RMND5A: variants seen among roughly 807,000 people sequenced by gnomAD.
RMND5A encodes the protein E3 ubiquitin-protein transferase RMND5A.
RMND5A carries 17 observed loss-of-function variants against 49.7 expected under a neutral mutation model. The observed-to-expected ratio is 0.34, with a 90% CI of 0.23 to 0.51. The LOEUF is 0.51. Among genes scored for constraint, RMND5A ranks in the 20% least tolerant of loss-of-function variants. RMND5A has a pLI of 0.96. For missense variants in RMND5A, 255 were observed against 471.3 expected, an observed-to-expected ratio of 0.54 and a Z score of 4.25; for synonymous variants, 156 against 167.7, an observed-to-expected ratio of 0.93 and a Z score of 0.54.
At position 86,775,859 on chromosome 2, in the gene RMND5A, C is replaced by A. The variant is rs937996652; in HGVS notation, c.*2448C>A. On this transcript the variant is annotated 3_prime_UTR_variant, in exon 9 of 9. Transcript: ENST00000283632. ...AAGATGCTGAGATACAGCATTCTGT[C>A]CCCCCTGCCCTAGAAACTCCATAAA... The A allele has an allele frequency of 6.6e-6, 1 of 152,162 alleles. No individual in the cohort carries two copies. The highest frequency in any genetic ancestry group is 2.4e-5 in the African/African-American group (1 of 41,438). The allele number at this position is 152,162 out of a possible 1,614,324, so 9.4% of individuals were successfully genotyped here. A position where few individuals can be genotyped will look rare whatever the true frequency, so the allele number is the denominator to read the frequency against.
intron 6 of RMND5A, among the ~76,000 whole-genome samples, chr2:86,767,314 T>C (rs2367379): frequency 0.71 from 107,836 of 152,146 alleles, 38,402 homozygotes; most frequent in East Asian, 0.91. Context: ...TCCACTGCCT[T>C]GGCCTCCCAA....
At chr2:86,752,426 G>A (rs371561072) in intron 3 of RMND5A, among the ~76,000 whole-genome samples, 84 of 152,306 alleles carry the variant, frequency 5.5e-4, no homozygotes, top group African/African-American at 1.9e-3. Context: ...TTTATCAAAT[G>A]AATTTCCAGC....
intron 8 of RMND5A, 118 bp downstream of exon 8, chr2:86,771,830 C>A: frequency 1.2e-6 from 1 of 824,668 alleles, no homozygotes; most frequent in Non-Finnish European, 1.8e-6. Flanking sequence ...AAATAAATTT[C>A]TTAACTATTC....
At chr2:86,769,606 A>C (rs1197272801) in intron 6 of RMND5A, among the ~76,000 whole-genome samples, 1 of 152,010 alleles carries the variant, frequency 6.6e-6, no homozygotes, top group Non-Finnish European at 1.5e-5. Context: ...CTTTTTTAAA[A>C]TGCATGTTTT....
intron 6 of RMND5A, among the ~76,000 whole-genome samples, chr2:86,766,228 G>T (rs1672588696): frequency 6.6e-6 from 1 of 152,172 alleles, no homozygotes; most frequent in Admixed American, 6.6e-5. Context: ...AACCTCACAG[G>T]ATCCTGAGAG....
At chr2:86,737,574 CATATATAT>C (rs70958904) in intron 1 of RMND5A, among the ~76,000 whole-genome samples, 24 of 108,092 alleles carry the variant, frequency 2.2e-4, no homozygotes, top group African/African-American at 6.8e-4. Flanking sequence ...CATTAAGTAT[CATATATAT>C]ATATATATAT....
chr2:86,770,937 A>T (rs1174275955), intron 7 of RMND5A, among the ~76,000 whole-genome samples: 1 of 152,172 alleles, frequency 6.6e-6, no homozygotes, highest in Non-Finnish European at 1.5e-5. Context: ...TGAAAAGCTA[A>T]CATACGCATT....
chr2:86,757,174 CAAAA>C (rs60710494), intron 4 of RMND5A, among the ~76,000 whole-genome samples: 24 of 97,944 alleles, frequency 2.5e-4, no homozygotes, highest in African/African-American at 9.7e-4. Context: ...AACTCAGTCT[CAAAA>C]AAAAAAAAAA....
intron 3 of RMND5A, 127 bp downstream of exon 3, chr2:86,752,157 C>T: frequency 1.2e-6 from 1 of 810,526 alleles, no homozygotes; most frequent in Non-Finnish European, 1.8e-6. Flanking sequence ...TTTAAATTAT[C>T]AGAGATGACC....
intron 4 of RMND5A, among the ~76,000 whole-genome samples, chr2:86,760,965 AGT>A (rs35942120): frequency 0.34 from 49,784 of 145,162 alleles, 8,503 homozygotes; most frequent in East Asian, 0.62. Flanking sequence ...GAGAGAGAGA[AGT>A]GTGTGTGTGT....
chr2:86,767,307 A>G (rs1243349224), intron 6 of RMND5A, among the ~76,000 whole-genome samples: 1 of 152,052 alleles, frequency 6.6e-6, no homozygotes, highest in Non-Finnish European at 1.5e-5. Context: ...CAGGCGATCC[A>G]CTGCCTTGGC....
At chr2:86,734,098 CT>C (rs1442315775) in intron 1 of RMND5A, among the ~76,000 whole-genome samples, 21 of 141,546 alleles carry the variant, frequency 1.5e-4, no homozygotes, top group African/African-American at 5.2e-4. Flanking sequence ...TTAGTGAACT[CT>C]TTCTCTCTTA....
intron 6 of RMND5A, among the ~76,000 whole-genome samples, chr2:86,767,220 C>T (rs1294944194): frequency 2.0e-5 from 3 of 152,188 alleles, no homozygotes; most frequent in East Asian, 1.9e-4. Flanking sequence ...CCTGCCACCA[C>T]GCCCAGCTAA....
chr2:86,742,328 CTGGGGAGATTG>C (rs1370411159), intron 2 of RMND5A, among the ~76,000 whole-genome samples: 1 of 151,946 alleles, frequency 6.6e-6, no homozygotes, highest in African/African-American at 2.4e-5. Flanking sequence ...GAGATTGTGA[CTGGGGAGATTG>C]TGGGGAGATT....
At chr2:86,747,795 TCATGATACGG>T (rs1315439879) in intron 2 of RMND5A, among the ~76,000 whole-genome samples, 3 of 152,206 alleles carry the variant, frequency 2.0e-5, no homozygotes, top group South Asian at 2.1e-4. Context: ...ATTTGTGTAT[TCATGATACGG>T]CATGATACGG....
intron 4 of RMND5A, among the ~76,000 whole-genome samples, chr2:86,754,407 C>A (rs1240872092): frequency 6.6e-6 from 1 of 152,192 alleles, no homozygotes; most frequent in Non-Finnish European, 1.5e-5. Flanking sequence ...GAGCTTATAG[C>A]TTTGGAATCC....
chr2:86,743,530 T>C (rs1396996819), intron 2 of RMND5A, among the ~76,000 whole-genome samples: 1 of 151,882 alleles, frequency 6.6e-6, no homozygotes, highest in Non-Finnish European at 1.5e-5. Flanking sequence ...AGTGGCACCA[T>C]CTCAGCTCAC....
chr2:86,755,333 G>C (rs762701961), intron 4 of RMND5A, among the ~76,000 whole-genome samples: 13 of 152,202 alleles, frequency 8.5e-5, no homozygotes, highest in Admixed American at 1.3e-4. Flanking sequence ...CGCTCAGGCT[G>C]GTCTCAAACT....
chr2:86,763,581 A>G (rs1051070799), intron 4 of RMND5A, among the ~76,000 whole-genome samples: 10 of 152,080 alleles, frequency 6.6e-5, no homozygotes, highest in Non-Finnish European at 1.3e-4. Context: ...GGAGTTCAAA[A>G]TCAGCTTGGG....
Sources: gnomAD v4.1 joint callset for allele counts (sites outside exome capture counted in the v4.1 genomes callset) on GRCh38, gnomAD v4.1.1 for gene constraint, MANE v1.5 for transcripts, NCBI Gene and HGNC (gene_info 2026-07-23, HGNC 2026-07-21) for gene names.